Variants in SPATS2 observed in about 807,000 individuals in gnomAD.
SPATS2 encodes spermatogenesis-associated serine-rich protein 2.
A neutral mutation model predicts 63.7 loss-of-function variants in SPATS2; 38 were observed. The observed-to-expected ratio is 0.60, with a 90% CI of 0.46 to 0.78. The LOEUF is 0.78. Among genes scored for constraint, SPATS2 ranks in the 30% least tolerant of loss-of-function variants. The pLI, the probability that SPATS2 is intolerant of heterozygous loss-of-function variation, is 0.00. For missense variants in SPATS2, 588 were observed against 666.2 expected (o/e 0.88, Z 1.29); for synonymous variants, 207 against 232.9 (o/e 0.89, Z 1.01).
At chr12:49,410,828 T>C (rs1351639073) in intron 2 of SPATS2, among the ~76,000 whole-genome samples, 1 of 152,044 alleles carries the variant, frequency 6.6e-6, no homozygotes, top group Non-Finnish European at 1.5e-5. Context: ...CACTATATTA[T>C]ATTTAGTTTA....
At chr12:49,497,946 C>T (rs925426218) in intron 8 of SPATS2, among the ~76,000 whole-genome samples, 1 of 151,678 alleles carries the variant, frequency 6.6e-6, no homozygotes, top group African/African-American at 2.4e-5. Flanking sequence ...TACATCTAAG[C>T]ATGGTGGTCC....
intron 9 of SPATS2, among the ~76,000 whole-genome samples, chr12:49,509,262 C>T (rs770025610): frequency 2.7e-5 from 4 of 146,620 alleles, no homozygotes; most frequent in South Asian, 2.1e-4. Flanking sequence ...CTTATGTTCA[C>T]GTTCTAACTT....
At chr12:49,449,466 A>G (rs1945579349) in intron 2 of SPATS2, among the ~76,000 whole-genome samples, 1 of 152,176 alleles carries the variant, frequency 6.6e-6, no homozygotes, top group African/African-American at 2.4e-5. Flanking sequence ...CGCCTGCCTC[A>G]GCCTCCCAAA....
chr12:49,522,667 T>G (rs1946960906), intron 11 of SPATS2, 84 bp from the exon 12 acceptor site: 2 of 1,082,156 alleles, frequency 1.8e-6, no homozygotes, highest in Non-Finnish European at 2.7e-6. Context: ...CAATTGAAAA[T>G]GATTGTTTAA....
intron 3 of SPATS2, among the ~76,000 whole-genome samples, chr12:49,474,820 G>A (rs1180217066): frequency 1.3e-5 from 2 of 152,162 alleles, no homozygotes; most frequent in African/African-American, 2.4e-5. Context: ...AGACATATCC[G>A]AAACTGGGCG....
In SPATS2 at chr12:49,495,005, G is replaced by C. The variant is rs777374342; in HGVS notation, c.526+3G>C. 8.3e-6 allele frequency: 13 copies of C among 1,567,280 alleles called. No individual in the cohort carries two copies. The highest frequency in any genetic ancestry group is 5.5e-5 in the African/African-American group (4 of 73,196). On this transcript the variant is annotated splice_donor_region_variant and intron_variant, in intron 7 of 13. Transcript: ENST00000552918. The stretch of plus-strand genomic sequence containing the variant: ...GCTAGATACGCTGGATAGAACAGGT[G>C]AGTTTATTAACAGATTTTGAAAAAG...
chr12:49,410,449 G>A (rs138222937), intron 2 of SPATS2, among the ~76,000 whole-genome samples: 3 of 152,220 alleles, frequency 2.0e-5, no homozygotes, highest in Admixed American at 6.5e-5. Context: ...CACTTTGTTA[G>A]GCACTGGGAT....
At chr12:49,463,412 CAAA>C (rs557932750) in intron 3 of SPATS2, 3 of 75,948 alleles carry the variant, frequency 4.0e-5, no homozygotes, top group Non-Finnish European at 5.0e-5. Context: ...GACTCTGTCT[CAAA>C]AAAAAAAAAA....
chr12:49,459,742 C>T (rs1355922984), intron 2 of SPATS2, among the ~76,000 whole-genome samples: 1 of 5,158 alleles, frequency 1.9e-4, no homozygotes, highest in African/African-American at 3.7e-4. Flanking sequence ...ATTTCACGTC[C>T]CCCCCCCCCC....
intron 2 of SPATS2, among the ~76,000 whole-genome samples, chr12:49,403,611 A>ACG (rs986752342): frequency 1.3e-5 from 2 of 150,474 alleles, no homozygotes; most frequent in African/African-American, 2.5e-5. Flanking sequence ...ACACACACAC[A>ACG]CACACACACA....
At chr12:49,406,451 A>G (rs1476902688) in intron 2 of SPATS2, 1 of 149,230 alleles carries the variant, frequency 6.7e-6, no homozygotes, top group Non-Finnish European at 1.5e-5. Flanking sequence ...TACCTGACTA[A>G]TTTTTTTTTT....
At chr12:49,510,151 C>A (rs907926575) in intron 9 of SPATS2, among the ~76,000 whole-genome samples, 1 of 150,308 alleles carries the variant, frequency 6.7e-6, no homozygotes, top group African/African-American at 2.5e-5. Flanking sequence ...TTAATCCTAG[C>A]TACTCAGGAA....
chr12:49,515,969 G>A (rs908888965), intron 10 of SPATS2, among the ~76,000 whole-genome samples: 14 of 150,648 alleles, frequency 9.3e-5, no homozygotes, highest in Admixed American at 8.0e-4. Flanking sequence ...ATAAAACCCC[G>A]TCTCTACTAA....
At chr12:49,390,902 G>T (rs187463335) in intron 2 of SPATS2, among the ~76,000 whole-genome samples, 1 of 152,220 alleles carries the variant, frequency 6.6e-6, no homozygotes, top group African/African-American at 2.4e-5. Flanking sequence ...GTTTTGGTTC[G>T]AAGTCAGTAA....
chr12:49,521,282 A>T (rs959305119), intron 11 of SPATS2, among the ~76,000 whole-genome samples: 2 of 152,212 alleles, frequency 1.3e-5, no homozygotes, highest in African/African-American at 4.8e-5. Context: ...GAGGTGGAAG[A>T]TCATCCAGGA....
chr12:49,383,140 C>T (rs545510729), intron 2 of SPATS2, among the ~76,000 whole-genome samples: 8 of 151,932 alleles, frequency 5.3e-5, no homozygotes, highest in Non-Finnish European at 1.2e-4. Flanking sequence ...GCCTCAGCCT[C>T]CCGGCTAGCT....
At position 49,524,559 on chromosome 12, in the gene SPATS2, T is replaced by C. The variant is rs148089441; in HGVS notation, c.1112-123T>C. On this transcript the variant is annotated intron_variant, in intron 12 of 13. Coordinates refer to ENST00000552918, the MANE Select transcript of SPATS2 (RefSeq NM_023071.4). ...CTTCCTGTTACCAGTTTTATAGGTTTTTCTTTATTCGAATAGACAGTTCTT... is the reference window on the plus strand; with the variant it reads ...CTTCCTGTTACCAGTTTTATAGGTTCTTCTTTATTCGAATAGACAGTTCTT... 9.4e-4 allele frequency: 958 copies of C among 1,023,266 alleles called. 18 individuals carry two copies. In the South Asian group the frequency reaches 0.014, roughly 15 times the overall value. 63.4% of individuals were successfully genotyped at this position (1,023,266 alleles called of 1,614,324 possible).
intron 1 of SPATS2, among the ~76,000 whole-genome samples, chr12:49,370,531 A>G (rs1009677282): frequency 6.6e-6 from 1 of 152,236 alleles, no homozygotes; most frequent in African/African-American, 2.4e-5. Context: ...TAGCATGTCC[A>G]TCCCTTCTTT....
intron 2 of SPATS2, among the ~76,000 whole-genome samples, chr12:49,391,471 C>T (rs756613037): frequency 2.6e-5 from 4 of 152,080 alleles, no homozygotes; most frequent in Non-Finnish European, 4.4e-5. Context: ...GAGATCGTGC[C>T]ATTACACTCC....
Sources: allele counts gnomAD v4.1 joint callset (sites outside exome capture counted in the v4.1 genomes callset), GRCh38; gene constraint gnomAD v4.1.1; transcripts MANE v1.5; gene names NCBI Gene and HGNC (gene_info 2026-07-23, HGNC 2026-07-21).